The following SNTB1 variants were observed in gnomAD, a reference collection of about 807,000 sequenced individuals.
SNTB1 encodes the protein syntrophin beta 1, also known as beta-1-syntrophin.
Under a neutral mutation model 48.9 loss-of-function variants are expected in SNTB1, and 36 were observed. The ratio of observed to expected loss-of-function variants is 0.74; its 90% confidence interval spans 0.56 to 0.97. The LOEUF (loss-of-function observed/expected upper bound fraction) is 0.97. Among genes scored for constraint, SNTB1 ranks in the 50% least tolerant of loss-of-function variants. The pLI, the probability that SNTB1 is intolerant of heterozygous loss-of-function variation, is 0.00. For missense variants in SNTB1, 786 were observed against 703.4 expected (o/e 1.12, Z -1.33); for synonymous variants, 299 against 294.6 (o/e 1.01, Z -0.15).
chr8:120,599,042 G>A (rs1028336981), intron 3 of SNTB1, among the ~76,000 whole-genome samples: 2 of 152,186 alleles, frequency 1.3e-5, no homozygotes, highest in African/African-American at 4.8e-5. Flanking sequence ...AATGTTCACA[G>A]GTTCCAGGGC....
intron 1 of SNTB1, among the ~76,000 whole-genome samples, chr8:120,797,628 A>G (rs1284554213): frequency 7.7e-6 from 1 of 130,470 alleles, no homozygotes; most frequent in Non-Finnish European, 1.5e-5. Context: ...GAATGGGTTA[A>G]TTTTGCTCAG....
chr8:120,771,107 A>G (rs1019697865), intron 1 of SNTB1, among the ~76,000 whole-genome samples: 5 of 152,194 alleles, frequency 3.3e-5, no homozygotes, highest in African/African-American at 1.2e-4. Context: ...GAGATGCAGC[A>G]ACACTGGATT....
intron 1 of SNTB1, among the ~76,000 whole-genome samples, chr8:120,807,256 T>A (rs1438419583): frequency 6.6e-6 from 1 of 152,240 alleles, no homozygotes; most frequent in Non-Finnish European, 1.5e-5. Context: ...TTCAAATTAC[T>A]ATTTTACTAT....
chr8:120,578,696 A>G (rs1037310715), intron 3 of SNTB1, among the ~76,000 whole-genome samples: 1 of 152,206 alleles, frequency 6.6e-6, no homozygotes, highest in Non-Finnish European at 1.5e-5. Flanking sequence ...ACTTCCACAG[A>G]GCATGAGAGG....
chr8:120,794,479 T>A (rs538229307), intron 1 of SNTB1, among the ~76,000 whole-genome samples: 1 of 147,582 alleles, frequency 6.8e-6, no homozygotes, highest in African/African-American at 2.6e-5. Flanking sequence ...ATGTACTATT[T>A]TATATATATA....
At chr8:120,595,127 G>A (rs1286374021) in intron 3 of SNTB1, among the ~76,000 whole-genome samples, 1 of 152,036 alleles carries the variant, frequency 6.6e-6, no homozygotes, top group Non-Finnish European at 1.5e-5. Flanking sequence ...GCTGTGCTTT[G>A]TCTCTGCGGT....
chr8:120,734,446 C>CAAAA (rs58092888), intron 1 of SNTB1, among the ~76,000 whole-genome samples: 2 of 109,586 alleles, frequency 1.8e-5, no homozygotes, highest in East Asian at 2.3e-4. Context: ...GATTCTGTCT[C>CAAAA]AAAAAAAAAA....
intron 3 of SNTB1, among the ~76,000 whole-genome samples, chr8:120,583,336 C>A (rs1286750130): frequency 2.6e-5 from 4 of 152,006 alleles, no homozygotes; most frequent in Non-Finnish European, 5.9e-5. Context: ...GAAACCCCAT[C>A]TTTAACTAAA....
chr8:120,542,254 G>T, intron 5 of SNTB1: 2 of 400,614 alleles, frequency 5.0e-6, no homozygotes, highest in East Asian at 4.6e-5. Flanking sequence ...AATGTTATCT[G>T]GGTTCTAGTC....
chr8:120,788,701 A>C (rs767247220), intron 1 of SNTB1, among the ~76,000 whole-genome samples: 17 of 151,914 alleles, frequency 1.1e-4, no homozygotes, highest in Non-Finnish European at 2.2e-4. Flanking sequence ...AGCAATTCTA[A>C]ATACATATGC....
chr8:120,746,809 T>C (rs1033782591), intron 1 of SNTB1, among the ~76,000 whole-genome samples: 5 of 152,226 alleles, frequency 3.3e-5, no homozygotes, highest in African/African-American at 1.2e-4. Flanking sequence ...GGCTATAGAC[T>C]GAAACCATGT....
At chr8:120,785,304 A>G (rs1443753488) in intron 1 of SNTB1, among the ~76,000 whole-genome samples, 1 of 152,140 alleles carries the variant, frequency 6.6e-6, no homozygotes, top group South Asian at 2.1e-4. Flanking sequence ...GGAAACCATG[A>G]TTTCTGTCTC....
At chr8:120,746,261 G>A (rs1346427998) in intron 1 of SNTB1, among the ~76,000 whole-genome samples, 1 of 152,058 alleles carries the variant, frequency 6.6e-6, no homozygotes, top group African/African-American at 2.4e-5. Context: ...TTTAATGATA[G>A]TAAATATATT....
In SNTB1 at chr8:120,763,561, G is replaced by A. The variant is rs1183953879; in HGVS notation, c.571+47712C>T. On this transcript the variant is annotated intron_variant, in intron 1 of 6. Coordinates refer to ENST00000517992, the MANE Select transcript of SNTB1 (RefSeq NM_021021.4). ...CGTAAAATCTGCATGCCATTTAAAAGTCAATAAACTTGACTACATAACAGT... is the reference window on the plus strand; with the variant it reads ...CGTAAAATCTGCATGCCATTTAAAAATCAATAAACTTGACTACATAACAGT... 2.0e-5 allele frequency among the ~76,000 whole-genome samples: 3 copies of A among 152,098 alleles called. No individual in the cohort carries two copies. The East Asian group carries it at 5.8e-4, about 29-fold the overall frequency.
At chr8:120,722,455 G>C (rs77222499) in intron 1 of SNTB1, among the ~76,000 whole-genome samples, 3,783 of 152,254 alleles carry the variant, frequency 0.025, 63 homozygotes, top group Non-Finnish European at 0.034. Flanking sequence ...GTGTGAGATG[G>C]TATCTCAGTG....
chr8:120,773,517 G>A (rs1397996929), intron 1 of SNTB1, among the ~76,000 whole-genome samples: 4 of 152,116 alleles, frequency 2.6e-5, no homozygotes, highest in African/African-American at 7.2e-5. Context: ...AGTAACTTCC[G>A]AACATTTACA....
rs188995852 is a variant in SNTB1, at chr8:120,785,478, C to G, written c.571+25795G>C. On this transcript the variant is annotated intron_variant, in intron 1 of 6. Transcript: ENST00000517992. Reference sequence around the variant, plus strand: ...GCCACCTGCTACTCCCCGATCCCCACGCAGATCATTTTGTGCAGTGGAGGC... The same window carrying G: ...GCCACCTGCTACTCCCCGATCCCCAGGCAGATCATTTTGTGCAGTGGAGGC... Among the ~76,000 whole-genome samples the G allele has an allele frequency of 2.0e-4, 31 of 152,312 alleles. No individual in the cohort carries two copies. The East Asian group carries it at 5.2e-3, about 26-fold the overall frequency.
At chr8:120,682,526 C>T (rs1055182177) in intron 2 of SNTB1, among the ~76,000 whole-genome samples, 6 of 152,208 alleles carry the variant, frequency 3.9e-5, no homozygotes, top group African/African-American at 1.4e-4. Flanking sequence ...ACCATTAAAA[C>T]GATTGCTGAA....
At chr8:120,632,336 G>C in intron 3 of SNTB1, 108 bp downstream of exon 3, 1 of 1,026,980 alleles carries the variant, frequency 9.7e-7, no homozygotes, top group Non-Finnish European at 1.4e-6. Flanking sequence ...AATCCACACA[G>C]ACTGTGAATG....
Sources: allele counts gnomAD v4.1 joint callset (sites outside exome capture counted in the v4.1 genomes callset), GRCh38; gene constraint gnomAD v4.1.1; transcripts MANE v1.5; gene names NCBI Gene and HGNC (gene_info 2026-07-23, HGNC 2026-07-21).